The following GRID2 variants were observed in gnomAD, a reference collection of about 807,000 sequenced individuals.
GRID2 encodes the protein glutamate receptor ionotropic, delta-2.
GRID2 carries 33 observed loss-of-function variants against 114.8 expected under a neutral mutation model. The ratio of observed to expected loss-of-function variants is 0.29; its 90% CI spans 0.22 to 0.38. GRID2 has a LOEUF of 0.38. Ranked by LOEUF, GRID2 falls within the 10% of genes least tolerant of loss-of-function variation. The pLI, the probability that GRID2 is intolerant of heterozygous loss-of-function variation, is 1.00. For synonymous variants in GRID2, 505 were observed against 449.9 expected (o/e 1.12, Z -1.55); for missense variants, 1,184 against 1,257.7 (o/e 0.94, Z 0.89).
chr4:92,455,387 C>T (rs1721158173), intron 1 of GRID2, among the ~76,000 whole-genome samples: 1 of 152,002 alleles, frequency 6.6e-6, no homozygotes, highest in African/African-American at 2.4e-5. Context: ...ATACCCCAAA[C>T]GACCCACCAG....
At chr4:93,645,121 G>T (rs1369590522) in intron 14 of GRID2, among the ~76,000 whole-genome samples, 1 of 152,060 alleles carries the variant, frequency 6.6e-6, no homozygotes, top group Non-Finnish European at 1.5e-5. Context: ...CTGGAGTGAA[G>T]GCAAAAGAAA....
chr4:92,885,201 G>A (rs756342892), intron 2 of GRID2: 4 of 189,168 alleles, frequency 2.1e-5, no homozygotes, highest in South Asian at 9.4e-5. Flanking sequence ...GGAGTACAAC[G>A]TGTTGTAAGG....
intron 2 of GRID2, among the ~76,000 whole-genome samples, chr4:92,917,103 C>A (rs1419088817): frequency 6.6e-6 from 1 of 151,688 alleles, no homozygotes; most frequent in Admixed American, 6.6e-5. Context: ...TTGCATTTCT[C>A]TGACCAGTGA....
At chr4:92,756,122 T>C (rs773440156) in intron 2 of GRID2, among the ~76,000 whole-genome samples, 10 of 152,118 alleles carry the variant, frequency 6.6e-5, no homozygotes, top group Non-Finnish European at 1.5e-4. Context: ...CAGGCTCTGG[T>C]AACTATTATT....
intron 13 of GRID2, among the ~76,000 whole-genome samples, chr4:93,528,059 A>C (rs1361484720): frequency 1.3e-5 from 2 of 152,068 alleles, no homozygotes; most frequent in Non-Finnish European, 2.9e-5. Context: ...TTTAAGGCTA[A>C]ATAATATTCT....
chr4:92,367,640 G>A (rs188920724), intron 1 of GRID2, among the ~76,000 whole-genome samples: 1 of 152,204 alleles, frequency 6.6e-6, no homozygotes, highest in East Asian at 1.9e-4. Context: ...GTGTAGCTGT[G>A]ATCACTTAGG....
chr4:93,467,585 G>A (rs1204911562), intron 11 of GRID2, among the ~76,000 whole-genome samples: 1 of 152,028 alleles, frequency 6.6e-6, no homozygotes, highest in African/African-American at 2.4e-5. Context: ...ATATCAGCAG[G>A]GACTGTCTAC....
At chr4:93,493,339 G>A (rs531984312) in intron 12 of GRID2, among the ~76,000 whole-genome samples, 2 of 151,882 alleles carry the variant, frequency 1.3e-5, no homozygotes, top group South Asian at 4.1e-4. Context: ...TGAACCAGAA[G>A]TTAAGCATAT....
At chr4:93,663,292 T>G (rs944605349) in intron 14 of GRID2, among the ~76,000 whole-genome samples, 2 of 152,184 alleles carry the variant, frequency 1.3e-5, no homozygotes, top group African/African-American at 4.8e-5. Flanking sequence ...TTCATACAGT[T>G]ATGGAGGTAT....
chr4:93,273,666 A>G (rs540071960), intron 8 of GRID2, among the ~76,000 whole-genome samples: 49 of 152,226 alleles, frequency 3.2e-4, no homozygotes, highest in Non-Finnish European at 5.9e-4. Context: ...GGGGAGACAG[A>G]AGGGAGATCA....
intron 2 of GRID2, among the ~76,000 whole-genome samples, chr4:92,667,598 A>T (rs1326099814): frequency 4.0e-5 from 6 of 151,678 alleles, no homozygotes; most frequent in Non-Finnish European, 7.4e-5. Context: ...TACTCAATGC[A>T]TACTTCTTAC....
chr4:92,413,672 C>T (rs760495213), intron 1 of GRID2, among the ~76,000 whole-genome samples: 11 of 151,840 alleles, frequency 7.2e-5, no homozygotes, highest in East Asian at 1.9e-4. Context: ...GCAGGAAACA[C>T]GGGAGAAGTT....
rs1207754069 is a variant in GRID2, at chr4:92,669,313, G to T, written c.244+79027G>T. ...ACTCACTGCCAGACAGGGTAGGTAT[G>T]TAACTACTAACAACCCTAAAATATA... On this transcript the variant is annotated intron_variant, in intron 2 of 15. Coordinates refer to ENST00000282020, the MANE Select transcript of GRID2 (RefSeq NM_001510.4). 2.0e-5 allele frequency among the ~76,000 whole-genome samples: 3 copies of T among 151,886 alleles called. No homozygotes were observed. In the East Asian group the frequency reaches 5.8e-4, roughly 29 times the overall value.
intron 2 of GRID2, among the ~76,000 whole-genome samples, chr4:93,029,995 C>A (rs182529704): frequency 6.6e-6 from 1 of 152,254 alleles, no homozygotes; most frequent in East Asian, 1.9e-4. Context: ...TAGGGGAACA[C>A]AGCTGGAGAA....
At chr4:93,022,268 G>T (rs771089955) in intron 2 of GRID2, among the ~76,000 whole-genome samples, 89 of 151,394 alleles carry the variant, frequency 5.9e-4, no homozygotes, top group Non-Finnish European at 1.1e-3. Context: ...ATTTATATGT[G>T]GGCATATATA....
chr4:92,447,151 A>C (rs1733512107), intron 1 of GRID2, among the ~76,000 whole-genome samples: 1 of 152,220 alleles, frequency 6.6e-6, no homozygotes, highest in Non-Finnish European at 1.5e-5. Context: ...GGGTTTGCAA[A>C]AATAACTTTA....
At chr4:92,570,288 G>C (rs1368540584) in intron 1 of GRID2, among the ~76,000 whole-genome samples, 1 of 151,756 alleles carries the variant, frequency 6.6e-6, no homozygotes, top group Admixed American at 6.6e-5. Context: ...TTATTTTTGG[G>C]CTCTCTATGC....
At chr4:93,351,951 A>G (rs1760844221) in intron 8 of GRID2, among the ~76,000 whole-genome samples, 1 of 152,046 alleles carries the variant, frequency 6.6e-6, no homozygotes, top group Admixed American at 6.6e-5. Flanking sequence ...AGTGTCTCTC[A>G]TATGCCTTAC....
At chr4:92,896,631 T>C (rs888582909) in intron 2 of GRID2, among the ~76,000 whole-genome samples, 14 of 152,086 alleles carry the variant, frequency 9.2e-5, no homozygotes, top group African/African-American at 3.1e-4. Flanking sequence ...AACTGCTACA[T>C]TGAATTCATT....
Sources: gnomAD v4.1 joint callset for allele counts (sites outside exome capture counted in the v4.1 genomes callset) on GRCh38, gnomAD v4.1.1 for gene constraint, MANE v1.5 for transcripts, NCBI Gene and HGNC (gene_info 2026-07-23, HGNC 2026-07-21) for gene names.